REDIC1: variants seen among roughly 807,000 people sequenced by gnomAD.
REDIC1 encodes regulator of DNA class I crossover intermediates 1, also known as HEI10 Interacting Protein 1.
the REDIC1 span, among the ~76,000 whole-genome samples, chr12:39,888,485 A>T: frequency 6.6e-6 from 1 of 152,230 alleles, no homozygotes; most frequent in Non-Finnish European, 1.5e-5. Context: ...TCGGCCTCCC[A>T]AAGTGTTGGG....
At chr12:39,858,082 G>A in the REDIC1 span, among the ~76,000 whole-genome samples, 1 of 152,196 alleles carries the variant, frequency 6.6e-6, no homozygotes, top group Non-Finnish European at 1.5e-5. Flanking sequence ...CAAAGAATAT[G>A]TCCCATAAAT....
chr12:39,867,850 A>C, the REDIC1 span, among the ~76,000 whole-genome samples: 1 of 152,180 alleles, frequency 6.6e-6, no homozygotes, highest in African/African-American at 2.4e-5. Context: ...AAAATATCTG[A>C]GTTTTAAAGC....
chr12:39,720,921 CG>C, the REDIC1 span: 2 of 1,613,584 alleles, frequency 1.2e-6, no homozygotes, highest in Non-Finnish European at 1.7e-6. Context: ...TTGTTAAAAA[CG>C]ATGACAAAAT....
chr12:39,643,427 A>G, the REDIC1 span, among the ~76,000 whole-genome samples: 3 of 151,642 alleles, frequency 2.0e-5, no homozygotes, highest in Non-Finnish European at 4.4e-5. Flanking sequence ...AGAATAGCAT[A>G]CTTTGTAGAA....
chr12:39,853,694 C>T, the REDIC1 span, among the ~76,000 whole-genome samples: 1 of 151,218 alleles, frequency 6.6e-6, no homozygotes, highest in African/African-American at 2.4e-5. Context: ...AAGCTATCTT[C>T]CACTTTGCCA....
chr12:39,743,988 C>G, the REDIC1 span, among the ~76,000 whole-genome samples: 1 of 151,946 alleles, frequency 6.6e-6, no homozygotes, highest in Non-Finnish European at 1.5e-5. Context: ...ATATAGGAAG[C>G]TGGATAAATG....
At chr12:39,771,929 C>T in the REDIC1 span, among the ~76,000 whole-genome samples, 47 of 152,228 alleles carry the variant, frequency 3.1e-4, no homozygotes, top group East Asian at 9.1e-3. Context: ...CTACTCATGA[C>T]GTTTCCTGTA....
the REDIC1 span, among the ~76,000 whole-genome samples, chr12:39,886,297 C>G: frequency 3.9e-5 from 6 of 151,994 alleles, no homozygotes; most frequent in Non-Finnish European, 5.9e-5. Context: ...GCGCTGTGCC[C>G]TTTGATGTTC....
the REDIC1 span, among the ~76,000 whole-genome samples, chr12:39,740,963 A>ATAT: frequency 0.15 from 20,431 of 135,174 alleles, 1,605 homozygotes; most frequent in East Asian, 0.38. Flanking sequence ...GCTTCTTTAC[A>ATAT]TATTATTATT....
the REDIC1 span, among the ~76,000 whole-genome samples, chr12:39,807,662 G>A: frequency 3.9e-5 from 6 of 152,070 alleles, no homozygotes; most frequent in Non-Finnish European, 5.9e-5. Flanking sequence ...ACATGATTTA[G>A]TTTTTCTATT....
At chr12:39,812,388 T>C in the REDIC1 span, among the ~76,000 whole-genome samples, 39 of 124,906 alleles carry the variant, frequency 3.1e-4, no homozygotes, top group Middle Eastern at 4.5e-3. Flanking sequence ...TTTTCTTTCT[T>C]TCTCTCTCTC....
chr12:39,886,202 C>A, the REDIC1 span, among the ~76,000 whole-genome samples: 1 of 152,076 alleles, frequency 6.6e-6, no homozygotes, highest in African/African-American at 2.4e-5. Context: ...TGAACTGTAA[C>A]AGCCCTGGGC....
chr12:39,817,845 C>A, the REDIC1 span, among the ~76,000 whole-genome samples: 1 of 152,160 alleles, frequency 6.6e-6, no homozygotes, highest in East Asian at 1.9e-4. Context: ...CCTTGACCAG[C>A]AAAGAGAGAT....
At chr12:39,720,907 A>G in the REDIC1 span, 12 of 1,613,638 alleles carry the variant, frequency 7.4e-6, no homozygotes, top group South Asian at 1.3e-4. Flanking sequence ...TTCAGGTGAC[A>G]GGATTGTTAA....
the REDIC1 span, among the ~76,000 whole-genome samples, chr12:39,668,566 AGTATCTTTGTGGT>A: frequency 6.6e-6 from 1 of 151,950 alleles, no homozygotes; most frequent in East Asian, 1.9e-4. Flanking sequence ...CTTCTCGAGG[AGTATCTTTGTGGT>A]GTTCTCTGTT....
chr12:39,833,886 T>C, the REDIC1 span, among the ~76,000 whole-genome samples: 102,534 of 145,878 alleles, frequency 0.7, 36,516 homozygotes, highest in African/African-American at 0.83. Flanking sequence ...CTCTGAAGCA[T>C]GGTCATAAAA....
chr12:39,760,490 TG>T, the REDIC1 span, among the ~76,000 whole-genome samples: 1 of 152,024 alleles, frequency 6.6e-6, no homozygotes, highest in Non-Finnish European at 1.5e-5. Flanking sequence ...CAGGCTCAGA[TG>T]TAAGTTTGGC....
the REDIC1 span, among the ~76,000 whole-genome samples, chr12:39,862,996 CTT>C: frequency 6.6e-6 from 1 of 152,102 alleles, no homozygotes; most frequent in East Asian, 1.9e-4. Flanking sequence ...TACAAAATCA[CTT>C]AGACTATAAA....
the REDIC1 span, among the ~76,000 whole-genome samples, chr12:39,866,215 C>T: frequency 6.6e-6 from 1 of 152,130 alleles, no homozygotes; most frequent in Admixed American, 6.5e-5. Context: ...TGAGAAGCAT[C>T]GTGGAAGTAC....
Sources: allele counts gnomAD v4.1 joint callset (sites outside exome capture counted in the v4.1 genomes callset), GRCh38; gene constraint gnomAD v4.1.1; transcripts MANE v1.5; gene names NCBI Gene and HGNC (gene_info 2026-07-23, HGNC 2026-07-21).